Variants in GBX1 observed in about 807,000 individuals in gnomAD.
GBX1 encodes homeobox protein GBX-1.
Under a neutral mutation model 22.9 loss-of-function variants are expected in GBX1, and 9 were observed. The ratio of observed to expected loss-of-function variants is 0.39; its 90% CI spans 0.24 to 0.69. GBX1 has a LOEUF of 0.69. Among genes scored for constraint, GBX1 ranks in the 30% least tolerant of loss-of-function variants. The pLI is 0.43. For synonymous variants in GBX1, 203 were observed against 227.3 expected (o/e 0.89, Z 0.96); for missense variants, 494 against 509.2 (o/e 0.97, Z 0.29).
intron 1 of GBX1, chr7:151,149,872 C>CT: frequency 2.2e-6 from 1 of 455,174 alleles, no homozygotes; most frequent in Admixed American, 2.4e-5. Context: ...TCCTGATCCC[C>CT]TTTCAATCCT....
At chr7:151,161,328 G>C (rs1801186173) in intron 1 of GBX1, among the ~76,000 whole-genome samples, 1 of 152,026 alleles carries the variant, frequency 6.6e-6, no homozygotes, top group African/African-American at 2.4e-5. Context: ...TGCCACCTTA[G>C]AGACTCTTTC....
intron 1 of GBX1, among the ~76,000 whole-genome samples, chr7:151,163,439 C>G (rs1002733426): frequency 6.6e-6 from 1 of 152,172 alleles, no homozygotes; most frequent in African/African-American, 2.4e-5. Context: ...CTCTCTAGAT[C>G]CGTCATGTTG....
At chr7:151,161,644 G>A (rs546511538) in intron 1 of GBX1, among the ~76,000 whole-genome samples, 1 of 152,254 alleles carries the variant, frequency 6.6e-6, no homozygotes, top group South Asian at 2.1e-4. Flanking sequence ...ATTAAACAAG[G>A]TCCCTCCAAA....
intron 1 of GBX1, among the ~76,000 whole-genome samples, chr7:151,164,254 C>T (rs1801225140): frequency 6.6e-6 from 1 of 152,228 alleles, no homozygotes; most frequent in African/African-American, 2.4e-5. Context: ...TCTCCAAATT[C>T]TTCTAATGTT....
chr7:151,155,420 T>C (rs1801123404), intron 1 of GBX1, among the ~76,000 whole-genome samples: 1 of 152,222 alleles, frequency 6.6e-6, no homozygotes, highest in Non-Finnish European at 1.5e-5. Context: ...CTTTCTCCGA[T>C]TGTTTAAAAC....
At chr7:151,165,203 C>T (rs536368038) in intron 1 of GBX1, among the ~76,000 whole-genome samples, 13 of 152,202 alleles carry the variant, frequency 8.5e-5, no homozygotes, top group Non-Finnish European at 1.5e-4. Context: ...TCTGCTTATT[C>T]CTCTCTTTCT....
chr7:151,160,759 C>A (rs991563453), intron 1 of GBX1, among the ~76,000 whole-genome samples: 1 of 152,192 alleles, frequency 6.6e-6, no homozygotes, highest in African/African-American at 2.4e-5. Context: ...GCATTTCATC[C>A]ACAGTACTCT....
Position 151,167,074 on chromosome 7 carries a change from T to C in GBX1, c.475A>G (p.Lys159Glu), listed in dbSNP as rs1801262454. ...GGAGGTGGTGGGGGCTCTGCCACTT[T>C]CTCCCGGGCCGGCAGCAGCTCATCA... ...EADELLPAREKVAEPPPPPPP... is the reference protein window; with the variant it reads ...EADELLPAREEVAEPPPPPPP... The change falls in exon 1 of 2, where the codon AAA (lysine) becomes GAA (glutamate). Residue 159 changes from lysine (K) to glutamate (E), a missense_variant. This residue lies in a region of GBX1 where 365 missense variants were observed against 340.4 expected (regional missense o/e 1.07). Transcript: ENST00000297537. This position sits in a 1 kb window ranked among gnomAD's most constrained non-coding sequence, Gnocchi z 5.9. 1.2e-6 allele frequency: 2 copies of C among 1,601,934 alleles called. No homozygotes were observed. Among genetic ancestry groups the C allele is most frequent in the Non-Finnish European group, 1.7e-6 (2 of 1,175,960 alleles).
intron 1 of GBX1, among the ~76,000 whole-genome samples, chr7:151,155,716 G>T (rs1243105718): frequency 6.6e-6 from 1 of 152,072 alleles, no homozygotes; most frequent in African/African-American, 2.4e-5. Flanking sequence ...TACTAACATT[G>T]CCATTTCCAA....
At position 151,148,865 on chromosome 7, in the gene GBX1, C is replaced by T; in HGVS notation, c.816G>A (p.Gln272=). The change falls in exon 2 of 2, where the codon CAG becomes CAA. Residue 272 remains glutamine (Q), a synonymous_variant. Transcript: ENST00000297537. This position sits in a 1 kb window ranked among gnomAD's most constrained non-coding sequence, Gnocchi z 5.1. The part of the protein sequence containing the change: ...RRRRTAFTSE[Q]LLELEKEFHC... ...GAAATTCCTTCTCCAATTCCAAAAG[C>T]TGCTCGCTGGTAAATGCTGTGCGGC... 6.2e-7 allele frequency: 1 copy of T among 1,614,198 alleles called. No homozygotes were observed. The highest frequency in any genetic ancestry group is 8.5e-7 in the Non-Finnish European group (1 of 1,180,036).
chr7:151,148,514 G>A lies in GBX1; in HGVS notation c.*75C>T, dbSNP rs1168649637. Reference sequence around the variant, plus strand: ...CAGAATCACAGTTGCAGCCCCTCTGGTCCACAGAACCCTGACAGTCTCAGA... The same window carrying A: ...CAGAATCACAGTTGCAGCCCCTCTGATCCACAGAACCCTGACAGTCTCAGA... On this transcript the variant is annotated 3_prime_UTR_variant, in exon 2 of 2. Coordinates refer to ENST00000297537, the MANE Select transcript of GBX1 (RefSeq NM_001098834.3). This position sits in a 1 kb window ranked among gnomAD's most constrained non-coding sequence, Gnocchi z 5.1. 2 of 1,400,006 alleles carry A rather than the reference G, an allele frequency of 1.4e-6. No homozygotes were observed. Among genetic ancestry groups the A allele is most frequent in the African/African-American group, 2.9e-5 (2 of 69,722 alleles). The allele number at this position is 1,400,006 out of a possible 1,614,324, so 86.7% of individuals were successfully genotyped here.
Position 151,148,980 on chromosome 7 carries a change from G to T in GBX1, c.701C>A (p.Pro234Gln), listed in dbSNP as rs375529208. Residue 234 changes from proline (P) to glutamine (Q), a missense_variant, in exon 2 of 2, where the codon CCG becomes CAG. Coordinates refer to ENST00000297537, the MANE Select transcript of GBX1 (RefSeq NM_001098834.3). This position sits in a 1 kb window ranked among gnomAD's most constrained non-coding sequence, Gnocchi z 5.1. ...AGTCCCCAGGCTTCCCTTTAGCTTCGGTTTAGGTCCCAGAAGAGCCCCTGG... is the reference window on the plus strand; with the variant it reads ...AGTCCCCAGGCTTCCCTTTAGCTTCTGTTTAGGTCCCAGAAGAGCCCCTGG... ...GGPGALLGPKPKLKGSLGTGA... is the reference protein window; with the variant it reads ...GGPGALLGPKQKLKGSLGTGA... 3.1e-6 allele frequency: 5 copies of T among 1,613,848 alleles called. No homozygotes were observed. The highest frequency in any genetic ancestry group is 1.6e-4 in the Middle Eastern group (1 of 6,084).
chr7:151,164,875 A>T (rs1263757655), intron 1 of GBX1, among the ~76,000 whole-genome samples: 1 of 147,676 alleles, frequency 6.8e-6, no homozygotes, highest in Non-Finnish European at 1.5e-5. Flanking sequence ...CAATATTAAA[A>T]ACTCTTTAAA....
rs368680568 is a variant in GBX1, at chr7:151,165,113, T to G, written c.538+1898A>C. On this transcript the variant is annotated intron_variant, in intron 1 of 1. Transcript: ENST00000297537. ...GAACCCTCTCCTTCTTCATGTTCTC[T>G]TTGTATATTCCAGTATACAACTCAT... Among the ~76,000 whole-genome samples, 15 of 152,340 alleles carry G rather than the reference T, an allele frequency of 9.8e-5. No homozygotes were observed. The East Asian group carries it at 2.7e-3, about 27-fold the overall frequency.
chr7:151,167,402 G>C lies in GBX1; in HGVS notation c.147C>G (p.Phe49Leu), dbSNP rs1390330742. 2 of 1,519,048 alleles carry C rather than the reference G, an allele frequency of 1.3e-6. No homozygotes were observed. Among genetic ancestry groups the C allele is most frequent in the African/African-American group, 2.9e-5 (2 of 69,038 alleles). The allele number at this position is 1,519,048 out of a possible 1,614,324, so 94.1% of individuals were successfully genotyped here. The change falls in exon 1 of 2, where the codon TTC (phenylalanine) becomes TTG (leucine). Residue 49 changes from phenylalanine (F) to leucine (L), a missense_variant. Phe to Leu is a conservative substitution (Grantham distance 22). Coordinates refer to ENST00000297537, the MANE Select transcript of GBX1 (RefSeq NM_001098834.3). This position sits in a 1 kb window ranked among gnomAD's most constrained non-coding sequence, Gnocchi z 5.9. The part of the protein sequence containing the change: ...GHLLYTGYPM[F>L]MPYRPLVLPQ... The stretch of plus-strand genomic sequence containing the variant: ...GCAGCACGAGCGGCCGGTAGGGCAT[G>C]AACATGGGGTAGCCGGTGTACAGCA...
At chr7:151,152,552 A>G (rs1266613621) in intron 1 of GBX1, among the ~76,000 whole-genome samples, 1 of 152,270 alleles carries the variant, frequency 6.6e-6, no homozygotes, top group East Asian at 1.9e-4. Flanking sequence ...TCAGCCCAAT[A>G]TTACAATATG....
chr7:151,152,225 C>G (rs1233771715), intron 1 of GBX1, among the ~76,000 whole-genome samples: 1 of 152,182 alleles, frequency 6.6e-6, no homozygotes, highest in African/African-American at 2.4e-5. Context: ...TGCTCCCCGT[C>G]TTTCTTTCCC....
chr7:151,149,167 A>G (rs1322262088), intron 1 of GBX1, 25 bp from the exon 2 acceptor site: 1 of 1,580,008 alleles, frequency 6.3e-7, no homozygotes, highest in Non-Finnish European at 8.6e-7. Flanking sequence ...AAGCCAATGG[A>G]TGGGGAGGGA....
Position 151,167,619 on chromosome 7 carries a change from C to T in GBX1, c.-71G>A. 1.6e-6 allele frequency: 2 copies of T among 1,222,818 alleles called. No homozygotes were observed. Among genetic ancestry groups the T allele is most frequent in the Non-Finnish European group, 2.0e-6 (2 of 986,014 alleles). The allele number at this position is 1,222,818 out of a possible 1,614,324, so 75.7% of individuals were successfully genotyped here. On this transcript the variant is annotated 5_prime_UTR_variant, in exon 1 of 2. Coordinates refer to ENST00000297537, the MANE Select transcript of GBX1 (RefSeq NM_001098834.3). This position sits in a 1 kb window ranked among gnomAD's most constrained non-coding sequence, Gnocchi z 5.9. Reference sequence around the variant, plus strand: ...CTCCGTGCGCCCCGCGGCTCGGGCGCCCCGCGCGGACACGCAGGGCTCGCT... The same window carrying T: ...CTCCGTGCGCCCCGCGGCTCGGGCGTCCCGCGCGGACACGCAGGGCTCGCT...
Sources: gnomAD v4.1 joint callset for allele counts (sites outside exome capture counted in the v4.1 genomes callset) on GRCh38, gnomAD v4.1.1 for gene constraint, gnomAD v4.1.1 regional missense constraint, Gnocchi (gnomAD v3.1) non-coding constraint, MANE v1.5 for transcripts, NCBI Gene and HGNC (gene_info 2026-07-23, HGNC 2026-07-21) for gene names.